MAML3: variants seen among roughly 807,000 people sequenced by gnomAD.
The protein encoded by MAML3 is mastermind like transcriptional coactivator 3.
MAML3 carries 27 observed loss-of-function variants against 101.9 expected under a neutral mutation model. The observed-to-expected ratio is 0.27, with a 90% CI of 0.20 to 0.37. The LOEUF is 0.37. Ranked by LOEUF, MAML3 falls within the 10% of genes least tolerant of loss-of-function variation. The pLI is 1.00. For missense variants in MAML3, 1,316 were observed against 1,444.9 expected, an observed-to-expected ratio of 0.91 and a Z score of 1.45; for synonymous variants, 501 against 555.9, an observed-to-expected ratio of 0.90 and a Z score of 1.39.
chr4:140,032,202 C>T (rs747103281), intron 1 of MAML3, among the ~76,000 whole-genome samples: 1 of 152,092 alleles, frequency 6.6e-6, no homozygotes, highest in Non-Finnish European at 1.5e-5. Flanking sequence ...TGGAAATGAT[C>T]GTAGATATAA....
intron 2 of MAML3, among the ~76,000 whole-genome samples, chr4:139,859,126 T>C (rs1731718620): frequency 1.3e-5 from 2 of 152,134 alleles, no homozygotes; most frequent in African/African-American, 4.8e-5. Context: ...GTTGCTAATA[T>C]AGTTAGTCAA....
At chr4:139,960,965 C>G (rs995614952) in intron 1 of MAML3, among the ~76,000 whole-genome samples, 1 of 152,182 alleles carries the variant, frequency 6.6e-6, no homozygotes, top group African/African-American at 2.4e-5. Flanking sequence ...AGGTGTCAGT[C>G]AGCCTCAAGT....
chr4:139,974,901 T>TAGTA (rs1009541000), intron 1 of MAML3, among the ~76,000 whole-genome samples: 1 of 152,046 alleles, frequency 6.6e-6, no homozygotes, highest in Non-Finnish European at 1.5e-5. Flanking sequence ...CACTGTTTAC[T>TAGTA]AAGAGTGCAG....
Position 139,976,243 on chromosome 4 carries a change from G to A in MAML3, c.469-85276C>T, listed in dbSNP as rs575475738. 2.3e-4 allele frequency among the ~76,000 whole-genome samples: 35 copies of A among 152,064 alleles called. 3 individuals are homozygous for A. In the South Asian group the frequency reaches 7.1e-3, roughly 31 times the overall value. On this transcript the variant is annotated intron_variant, in intron 1 of 4. Transcript: ENST00000509479. ...AGGAAAGACAGATCCTGTTCTTCTG[G>A]TTTTTTTTCTTTTCTTCTTCTTCTC... is the stretch of plus-strand genomic sequence containing the variant.
chr4:139,779,189 T>A (rs1276403376), intron 2 of MAML3, among the ~76,000 whole-genome samples: 2 of 152,144 alleles, frequency 1.3e-5, no homozygotes, highest in African/African-American at 2.4e-5. Flanking sequence ...AAGGTTGATG[T>A]AATCTATTTT....
Position 140,043,928 on chromosome 4 carries a change from G to A in MAML3, c.468+108932C>T, listed in dbSNP as rs565296228. ...GTTAATACCAGGAAAAGTAAGCAGCGTCTTTTAATGAAAAGATTATAAATC... is the reference window on the plus strand; with the variant it reads ...GTTAATACCAGGAAAAGTAAGCAGCATCTTTTAATGAAAAGATTATAAATC... On this transcript the variant is annotated intron_variant, in intron 1 of 4. Transcript: ENST00000509479. 3.3e-5 allele frequency among the ~76,000 whole-genome samples: 5 copies of A among 152,270 alleles called. No individual in the cohort carries two copies. The South Asian group carries it at 6.2e-4, about 19-fold the overall frequency.
chr4:140,042,486 T>A (rs1299265691), intron 1 of MAML3, among the ~76,000 whole-genome samples: 1 of 151,924 alleles, frequency 6.6e-6, no homozygotes, highest in Non-Finnish European at 1.5e-5. Context: ...TACAAAAAAT[T>A]AGCTGGGTGT....
chr4:139,889,704 T>A lies in MAML3; in HGVS notation c.1732A>T (p.Ile578Phe). 6.2e-7 allele frequency: 1 copy of A among 1,614,044 alleles called. No individual in the cohort carries two copies. The highest frequency in any genetic ancestry group is 8.5e-7 in the Non-Finnish European group (1 of 1,179,906). Reference sequence around the variant, plus strand: ...CCCAAGTTATTTGGCTGCTGATTGATCATATTCATGTGATTCTGAGGGAGG... The same window carrying A: ...CCCAAGTTATTTGGCTGCTGATTGAACATATTCATGTGATTCTGAGGGAGG... ...NYLPQNHMNM[I>F]NQQPNNLGTN... The change falls in exon 2 of 5, where the codon ATC becomes TTC. Residue 578 changes from isoleucine to phenylalanine, a missense_variant. Transcript: ENST00000509479.
chr4:139,910,233 C>T (rs939635283), intron 1 of MAML3, among the ~76,000 whole-genome samples: 2 of 152,182 alleles, frequency 1.3e-5, no homozygotes, highest in African/African-American at 2.4e-5. Flanking sequence ...TCCAAATTAT[C>T]GGCCAGTCCC....
intron 2 of MAML3, among the ~76,000 whole-genome samples, chr4:139,748,053 TAAAAAA>T (rs34801574): frequency 2.1e-5 from 2 of 95,532 alleles, no homozygotes; most frequent in South Asian, 7.9e-4. Flanking sequence ...AGACTTCGTC[TAAAAAA>T]AAAAAAAAAA....
chr4:140,043,999 GAATA>G (rs1211365270), intron 1 of MAML3, among the ~76,000 whole-genome samples: 1 of 151,972 alleles, frequency 6.6e-6, no homozygotes, highest in Non-Finnish European at 1.5e-5. Context: ...GATAAAAAGG[GAATA>G]AATAATACCC....
intron 1 of MAML3, among the ~76,000 whole-genome samples, chr4:140,058,367 C>T (rs549282421): frequency 8.6e-5 from 13 of 151,952 alleles, no homozygotes; most frequent in Non-Finnish European, 1.9e-4. Flanking sequence ...GCTAGGATTA[C>T]AGGCATGAGC....
At chr4:139,875,725 A>G (rs1448376298) in intron 2 of MAML3, among the ~76,000 whole-genome samples, 2 of 152,118 alleles carry the variant, frequency 1.3e-5, no homozygotes, top group Admixed American at 1.3e-4. Context: ...ACAAATGGCC[A>G]TGGAAATCTC....
At chr4:139,753,138 C>T (rs1279572734) in intron 2 of MAML3, among the ~76,000 whole-genome samples, 1 of 152,172 alleles carries the variant, frequency 6.6e-6, no homozygotes, top group Non-Finnish European at 1.5e-5. Context: ...TATTTTCCTT[C>T]TTTCCCTTTT....
At chr4:139,870,012 G>C (rs1308123158) in intron 2 of MAML3, among the ~76,000 whole-genome samples, 1 of 152,188 alleles carries the variant, frequency 6.6e-6, no homozygotes, top group Non-Finnish European at 1.5e-5. Flanking sequence ...ACCTTAAACA[G>C]ACTACTTAAC....
At chr4:139,896,664 GAA>G (rs2111207008) in intron 1 of MAML3, among the ~76,000 whole-genome samples, 2 of 151,506 alleles carry the variant, frequency 1.3e-5, no homozygotes, top group South Asian at 4.2e-4. Flanking sequence ...GAGAGAGAGA[GAA>G]AGACAGACAG....
intron 1 of MAML3, among the ~76,000 whole-genome samples, chr4:139,962,463 G>A (rs1472441332): frequency 6.6e-6 from 1 of 152,168 alleles, no homozygotes; most frequent in Non-Finnish European, 1.5e-5. Flanking sequence ...GGTAGAAAAA[G>A]CCAGCTTTCT....
At chr4:139,952,814 T>A (rs1733853757) in intron 1 of MAML3, among the ~76,000 whole-genome samples, 1 of 152,200 alleles carries the variant, frequency 6.6e-6, no homozygotes, top group South Asian at 2.1e-4. Flanking sequence ...CTTGGCACAT[T>A]AAAGTCAGGA....
intron 2 of MAML3, among the ~76,000 whole-genome samples, chr4:139,811,007 G>A (rs1007983459): frequency 1.3e-5 from 2 of 152,202 alleles, no homozygotes; most frequent in African/African-American, 4.8e-5. Context: ...CAGCAGTGAA[G>A]ATGTCATTCT....
Sources: allele counts gnomAD v4.1 joint callset (sites outside exome capture counted in the v4.1 genomes callset), GRCh38; gene constraint gnomAD v4.1.1; transcripts MANE v1.5; gene names NCBI Gene and HGNC (gene_info 2026-07-23, HGNC 2026-07-21).